OR2T34: variants seen among roughly 807,000 people sequenced by gnomAD.
OR2T34 encodes olfactory receptor family 2 subfamily T member 34.
For synonymous variants in OR2T34, 73 were observed against 151.2 expected (o/e 0.48, Z 3.79); for missense variants, 200 against 384.5 (o/e 0.52, Z 4.01).
At position 248,574,174 on chromosome 1, in the gene OR2T34, G is replaced by C. The variant is rs1659716914; in HGVS notation, c.584C>G (p.Ser195Cys). 5 of 1,607,376 alleles carry C rather than the reference G, an allele frequency of 3.1e-6. No individual in the cohort carries two copies. The highest frequency in any genetic ancestry group is 4.2e-6 in the Non-Finnish European group (5 of 1,179,700). The change falls in exon 1 of 1, where the codon TCT becomes TGT. Residue 195 changes from serine to cysteine, a missense_variant. Physicochemically the swap from Ser to Cys is moderately radical, Grantham distance 112. Coordinates refer to ENST00000328782, the MANE Select transcript of OR2T34 (RefSeq NM_001001821.1). Reference protein sequence around the residue: ...ETPALLKLSCSDVSLYKMLTY... With the variant: ...ETPALLKLSCCDVSLYKMLTY... ...GAGCATCTTATAGAGGGAGACGTCA[G>C]AGCAGGAGAGCTTCAGCAGGGCAGG...
At position 248,574,243 on chromosome 1, in the gene OR2T34, G is replaced by A. The variant is rs780540849; in HGVS notation, c.515C>T (p.Pro172Leu). The change falls in exon 1 of 1, where the codon CCC becomes CTC. Residue 172 changes from proline to leucine, a missense_variant. By Grantham distance (98) the Pro-to-Leu change is moderately conservative. Coordinates refer to ENST00000328782, the MANE Select transcript of OR2T34 (RefSeq NM_001001821.1). ...LLLTPITMSF[P>L]FCQSRKILSF... Reference sequence around the variant, plus strand: ...CAGGATTTTCCTAGACTGGCAAAAGGGGAAGCTCATGGTAATGGGGGTGAG... The same window carrying A: ...CAGGATTTTCCTAGACTGGCAAAAGAGGAAGCTCATGGTAATGGGGGTGAG... The A allele has an allele frequency of 1.9e-6, 3 of 1,605,186 alleles. No individual in the cohort carries two copies. In the South Asian group the frequency reaches 3.3e-5, roughly 18 times the overall value.
rs770186985 is a variant in OR2T34 at position 248,574,675 on chromosome 1, T to C, written c.83A>G (p.His28Arg). ...TLTGLFAESK[H>R]AALLYTVTFL... ...GGTCACGGTGTAGAGGAGGGCAGCATGCTTGCTCTCAGCAAAGAGTCCCGT... is the reference window on the plus strand; with the variant it reads ...GGTCACGGTGTAGAGGAGGGCAGCACGCTTGCTCTCAGCAAAGAGTCCCGT... Residue 28 changes from histidine to arginine, a missense_variant, in exon 1 of 1, where the codon CAT (histidine) becomes CGT (arginine). Physicochemically the swap from His to Arg is conservative, Grantham distance 29. Transcript: ENST00000328782. 8.4e-6 allele frequency: 13 copies of C among 1,553,708 alleles called. No individual in the cohort carries two copies. Among genetic ancestry groups the C allele is most frequent in the Middle Eastern group, 3.4e-4 (2 of 5,964 alleles).
chr1:248,574,650 G>T lies in OR2T34; in HGVS notation c.108C>A (p.Thr36=), dbSNP rs146837498. The change falls in exon 1 of 1, where the codon ACC becomes ACA. Residue 36 remains threonine (T), a synonymous_variant. Coordinates refer to ENST00000328782, the MANE Select transcript of OR2T34 (RefSeq NM_001001821.1). ...TGAGGGCCATCAAGAAAAGAAGGAA[G>T]GTCACGGTGTAGAGGAGGGCAGCAT... ...SKHAALLYTV[T]FLLFLMALTG... 4.5e-4 allele frequency: 689 copies of T among 1,538,090 alleles called. 65 individuals are homozygous for T. The African/African-American group carries it at 0.01, about 22-fold the overall frequency.
rs1332679007 is a variant in OR2T34, at chr1:248,574,064, T to C, written c.694A>G (p.Arg232Gly). Residue 232 changes from arginine (R) to glycine (G), a missense_variant, in exon 1 of 1, where the codon AGG becomes GGG. Physicochemically the swap from Arg to Gly is moderately radical, Grantham distance 125. Coordinates refer to ENST00000328782, the MANE Select transcript of OR2T34 (RefSeq NM_001001821.1). Reference sequence around the variant, plus strand: ...CTGCGGCCGGCGGCAGAATTCATCCTGTGGATGAGATGCAGGATGAGGGTG... The same window carrying C: ...CTGCGGCCGGCGGCAGAATTCATCCCGTGGATGAGATGCAGGATGAGGGTG... ...SYTLILHLIHRMNSAAGRRKA... is the reference protein window; with the variant it reads ...SYTLILHLIHGMNSAAGRRKA... 1 of 1,605,256 alleles carries C rather than the reference T, an allele frequency of 6.2e-7. No individual in the cohort carries two copies. The highest frequency in any genetic ancestry group is 1.1e-5 in the South Asian group (1 of 91,024).
Position 248,574,624 on chromosome 1 carries a change from G to A in OR2T34, c.134C>T (p.Thr45Ile), listed in dbSNP as rs1351296687. The A allele has an allele frequency of 2.0e-6, 3 of 1,528,146 alleles. No homozygotes were observed. Among genetic ancestry groups the A allele is most frequent in the Non-Finnish European group, 2.7e-6 (3 of 1,117,430 alleles). The allele number at this position is 1,528,146 out of a possible 1,614,324, so 94.7% of individuals were successfully genotyped here. The change falls in exon 1 of 1, where the codon ACT (threonine) becomes ATT (isoleucine). Residue 45 changes from threonine to isoleucine, a missense_variant. Physicochemically the swap from Thr to Ile is moderately conservative, Grantham distance 89. Coordinates refer to ENST00000328782, the MANE Select transcript of OR2T34 (RefSeq NM_001001821.1). ...VTFLLFLMAL[T>I]GNALLILLIH... Reference sequence around the variant, plus strand: ...GAGGAGGATGAGGAGGGCATTCCCAGTGAGGGCCATCAAGAAAAGAAGGAA... The same window carrying A: ...GAGGAGGATGAGGAGGGCATTCCCAATGAGGGCCATCAAGAAAAGAAGGAA...
chr1:248,574,116 G>T lies in OR2T34; in HGVS notation c.642C>A (p.Thr214=). The T allele has an allele frequency of 6.2e-7, 1 of 1,606,804 alleles. No homozygotes were observed. Among genetic ancestry groups the T allele is most frequent in the Non-Finnish European group, 8.5e-7 (1 of 1,179,740 alleles). The change falls in exon 1 of 1, where the codon ACC becomes ACA. Residue 214 remains threonine (T), a synonymous_variant. Coordinates refer to ENST00000328782, the MANE Select transcript of OR2T34 (RefSeq NM_001001821.1). ...ATGAGCTGGAGATGACCATGATGGG[G>T]GTGAGAAGCATGAGGATGCAGCACA... ...TYLCCILMLL[T]PIMVISSSYT... is the part of the protein sequence containing the mutation.
rs528583535 is a variant in OR2T34 at position 248,574,010 on chromosome 1, T to A, written c.748A>T (p.Met250Leu). 1 of 1,582,834 alleles carries A rather than the reference T, an allele frequency of 6.3e-7. No homozygotes were observed. Among genetic ancestry groups the A allele is most frequent in the South Asian group, 1.1e-5 (1 of 90,354 alleles). The part of the protein sequence containing the change: ...RKALATCSSH[M>L]IIVLLLFGAS... ...CCGAAGAGCAGCAGCACTATGATCA[T>A]GTGGGAGGAGCAGGTGGCCAAGGCC... Residue 250 changes from methionine to leucine, a missense_variant, in exon 1 of 1, where the codon ATG (methionine) becomes TTG (leucine). Met to Leu is a conservative substitution (Grantham distance 15). Coordinates refer to ENST00000328782, the MANE Select transcript of OR2T34 (RefSeq NM_001001821.1).
chr1:248,574,003 A>G lies in OR2T34; in HGVS notation c.755T>C (p.Ile252Thr), dbSNP rs771588393. 2 of 1,576,838 alleles carry G rather than the reference A, an allele frequency of 1.3e-6. No individual in the cohort carries two copies. Among genetic ancestry groups the G allele is most frequent in the Non-Finnish European group, 1.7e-6 (2 of 1,165,974 alleles). Reference sequence around the variant, plus strand: ...GGAAGCACCGAAGAGCAGCAGCACTATGATCATGTGGGAGGAGCAGGTGGC... The same window carrying G: ...GGAAGCACCGAAGAGCAGCAGCACTGTGATCATGTGGGAGGAGCAGGTGGC... Reference protein sequence around the residue: ...ALATCSSHMIIVLLLFGASFY... With the variant: ...ALATCSSHMITVLLLFGASFY... Residue 252 changes from isoleucine (I) to threonine (T), a missense_variant, in exon 1 of 1, where the codon ATA becomes ACA. By Grantham distance (89) the Ile-to-Thr change is moderately conservative. Transcript: ENST00000328782.
Position 248,574,047 on chromosome 1 carries a change from G to A in OR2T34, c.711C>T (p.Ala237=), listed in dbSNP as rs61833442. Reference sequence around the variant, plus strand: ...AGGTGGCCAAGGCCTTCCTGCGGCCGGCGGCAGAATTCATCCTGTGGATGA... The same window carrying A: ...AGGTGGCCAAGGCCTTCCTGCGGCCAGCGGCAGAATTCATCCTGTGGATGA... The part of the protein sequence containing the change: ...LHLIHRMNSA[A]GRRKALATCS... Residue 237 remains alanine, a synonymous_variant, in exon 1 of 1, where the codon GCC becomes GCT. Coordinates refer to ENST00000328782, the MANE Select transcript of OR2T34 (RefSeq NM_001001821.1). The A allele has an allele frequency of 0.25, 325,458 of 1,322,722 alleles. 23,233 individuals are homozygous for A. Among genetic ancestry groups the A allele is most frequent in the African/African-American group, 0.5 (30,849 of 61,340 alleles). The allele number at this position is 1,322,722 out of a possible 1,614,324, so 81.9% of individuals were successfully genotyped here.
Position 248,574,509 on chromosome 1 carries a change from C to T in OR2T34, c.249G>A (p.Val83=). Residue 83 remains valine (V), a synonymous_variant, in exon 1 of 1, where the codon GTG becomes GTA. Coordinates refer to ENST00000328782, the MANE Select transcript of OR2T34 (RefSeq NM_001001821.1). ...TGACCTGGCCCACAAGCATCTTGGG[C>T]ACAGTCACGCATAGGTACATGAGAT... ...LMDLMYLCVT[V]PKMLVGQVTG... is the part of the protein sequence containing the mutation. 6.5e-7 allele frequency: 1 copy of T among 1,536,876 alleles called. No homozygotes were observed. The highest frequency in any genetic ancestry group is 1.1e-5 in the South Asian group (1 of 88,612).
rs746182529 is a variant in OR2T34, at chr1:248,574,180, G to A, written c.578C>T (p.Ser193Phe). The change falls in exon 1 of 1, where the codon TCC becomes TTC. Residue 193 changes from serine (S) to phenylalanine (F), a missense_variant. Coordinates refer to ENST00000328782, the MANE Select transcript of OR2T34 (RefSeq NM_001001821.1). ...CTTATAGAGGGAGACGTCAGAGCAG[G>A]AGAGCTTCAGCAGGGCAGGAGTCTC... Reference protein sequence around the residue: ...FCETPALLKLSCSDVSLYKML... With the variant: ...FCETPALLKLFCSDVSLYKML... The A allele has an allele frequency of 3.7e-6, 6 of 1,607,450 alleles. No homozygotes were observed. The South Asian group carries it at 6.6e-5, about 18-fold the overall frequency.
At position 248,574,695 on chromosome 1, in the gene OR2T34, T is replaced by C; in HGVS notation, c.63A>G (p.Gly21=). The C allele has an allele frequency of 6.4e-7, 1 of 1,563,704 alleles. No homozygotes were observed. The highest frequency in any genetic ancestry group is 1.7e-5 in the Admixed American group (1 of 58,658). The change falls in exon 1 of 1, where the codon GGA becomes GGG. Residue 21 remains glycine, a synonymous_variant. Transcript: ENST00000328782. ...CAGCATGCTTGCTCTCAGCAAAGAG[T>C]CCCGTGAGGGTGAAATCAGTGCTTG... The part of the protein sequence containing the change: ...QTASTDFTLT[G]LFAESKHAAL...
Position 248,574,210 on chromosome 1 carries a change from A to G in OR2T34, c.548T>C (p.Phe183Ser), listed in dbSNP as rs150608839. 179,855 of 1,583,328 alleles carry G rather than the reference A, an allele frequency of 0.11. 794 individuals are homozygous for G. The highest frequency in any genetic ancestry group is 0.26 in the African/African-American group (17,777 of 67,220). ...FCQSRKILSFFCETPALLKLS... is the reference protein window; with the variant it reads ...FCQSRKILSFSCETPALLKLS... The stretch of plus-strand genomic sequence containing the variant: ...CTTCAGCAGGGCAGGAGTCTCACAG[A>G]AAAAACTCAGGATTTTCCTAGACTG... The change falls in exon 1 of 1, where the codon TTC (phenylalanine) becomes TCC (serine). Residue 183 changes from phenylalanine (F) to serine (S), a missense_variant. Coordinates refer to ENST00000328782, the MANE Select transcript of OR2T34 (RefSeq NM_001001821.1).
In OR2T34 at chr1:248,573,894, A is replaced by C. The variant is rs1659705539; in HGVS notation, c.864T>G (p.Pro288=). 2 of 1,312,574 alleles carry C rather than the reference A, an allele frequency of 1.5e-6. No individual in the cohort carries two copies. The highest frequency in any genetic ancestry group is 2.1e-6 in the Non-Finnish European group (2 of 945,890). 81.3% of individuals were successfully genotyped at this position (1,312,574 alleles called of 1,614,324 possible). A position where few individuals can be genotyped will look rare whatever the true frequency, so the allele number is the denominator to read the frequency against. Residue 288 remains proline (P), a synonymous_variant, in exon 1 of 1, where the codon CCT becomes CCG. Transcript: ENST00000328782. ...GACTGTAAATGAGGGGGTTCAGCAC[A>C]GGAGTGAAGATGGTGTAAAAGGCAG... The part of the protein sequence containing the change: ...MVSAFYTIFT[P]VLNPLIYSLR...
chr1:248,574,001 C>T lies in OR2T34; in HGVS notation c.757G>A (p.Val253Met). 34 of 1,578,796 alleles carry T rather than the reference C, an allele frequency of 2.2e-5. No homozygotes were observed. The highest frequency in any genetic ancestry group is 2.9e-5 in the Non-Finnish European group (34 of 1,168,098). ...LATCSSHMII[V>M]LLLFGASFYT... is the part of the protein sequence containing the mutation. ...AAGGAAGCACCGAAGAGCAGCAGCACTATGATCATGTGGGAGGAGCAGGTG... is the reference window on the plus strand; with the variant it reads ...AAGGAAGCACCGAAGAGCAGCAGCATTATGATCATGTGGGAGGAGCAGGTG... Residue 253 changes from valine to methionine, a missense_variant, in exon 1 of 1, where the codon GTG becomes ATG. By Grantham distance (21) the Val-to-Met change is conservative. Transcript: ENST00000328782.
rs376992213 is a variant in OR2T34, at chr1:248,574,321, C to A, written c.437G>T (p.Cys146Phe). Residue 146 changes from cysteine (C) to phenylalanine (F), a missense_variant, in exon 1 of 1, where the codon TGC becomes TTC. Coordinates refer to ENST00000328782, the MANE Select transcript of OR2T34 (RefSeq NM_001001821.1). ...CCAGCAGGCTGACACCAGGAGCTGG[C>A]ACACCCTCTGGTTCATCAGCAGTGG... ...HYPLLMNQRV[C>F]QLLVSACWVL... The A allele has an allele frequency of 1.4e-4, 214 of 1,583,546 alleles. No individual in the cohort carries two copies. Among genetic ancestry groups the A allele is most frequent in the Non-Finnish European group, 1.8e-4 (211 of 1,159,706 alleles).
At position 248,574,010 on chromosome 1, in the gene OR2T34, T is replaced by C. The variant is rs528583535; in HGVS notation, c.748A>G (p.Met250Val). 9 of 1,582,944 alleles carry C rather than the reference T, an allele frequency of 5.7e-6. No individual in the cohort carries two copies. In the East Asian group the frequency reaches 6.8e-5, roughly 12 times the overall value. The change falls in exon 1 of 1, where the codon ATG becomes GTG. Residue 250 changes from methionine (M) to valine (V), a missense_variant. Transcript: ENST00000328782. Reference sequence around the variant, plus strand: ...CCGAAGAGCAGCAGCACTATGATCATGTGGGAGGAGCAGGTGGCCAAGGCC... The same window carrying C: ...CCGAAGAGCAGCAGCACTATGATCACGTGGGAGGAGCAGGTGGCCAAGGCC... ...RKALATCSSH[M>V]IIVLLLFGAS...
At position 248,574,396 on chromosome 1, in the gene OR2T34, G is replaced by A; in HGVS notation, c.362C>T (p.Ala121Val). The A allele has an allele frequency of 6.3e-6, 10 of 1,590,090 alleles. No individual in the cohort carries two copies. Among genetic ancestry groups the A allele is most frequent in the Non-Finnish European group, 8.6e-6 (10 of 1,163,528 alleles). ...TLAGAEVFLL[A>V]AMAYDRYAAV... ...AGCATATCGGTCATAGGCCATGGCA[G>A]CCAGGAGGAAAACCTCAGCTCCAGC... The change falls in exon 1 of 1, where the codon GCT (alanine) becomes GTT (valine). Residue 121 changes from alanine (A) to valine (V), a missense_variant. Ala to Val is a moderately conservative substitution (Grantham distance 64). Coordinates refer to ENST00000328782, the MANE Select transcript of OR2T34 (RefSeq NM_001001821.1).
rs760045757 is a variant in OR2T34 at position 248,574,204 on chromosome 1, TCA to T, written c.552_553del (p.Cys184Ter). On this transcript the variant is annotated stop_gained and frameshift_variant, in exon 1 of 1. Transcript: ENST00000328782. LOFTEE classifies it low-confidence loss of function (END_TRUNC). ...GGAGAGCTTCAGCAGGGCAGGAGTC[TCA>T]CAGAAAAAACTCAGGATTTTCCTAG... The T allele has an allele frequency of 6.2e-7, 1 of 1,607,356 alleles. No individual in the cohort carries two copies. The highest frequency in any genetic ancestry group is 1.4e-5 in the African/African-American group (1 of 69,320).
Sources: gnomAD v4.1 joint callset for allele counts on GRCh38, gnomAD v4.1.1 for gene constraint, MANE v1.5 for transcripts, NCBI Gene and HGNC (gene_info 2026-07-23, HGNC 2026-07-21) for gene names.